CTNND2: variants seen among roughly 807,000 people sequenced by gnomAD.
CTNND2 encodes catenin delta 2.
In CTNND2, 22 loss-of-function variants were observed where a neutral mutation model predicts 144.4. The ratio of observed to expected loss-of-function variants is 0.15; its 90% CI spans 0.11 to 0.22. The LOEUF (loss-of-function observed/expected upper bound fraction) is 0.22. Ranked by LOEUF, CTNND2 falls within the 10% of genes least tolerant of loss-of-function variation. The pLI is 1.00. For synonymous variants in CTNND2, 751 were observed against 695.6 expected, an observed-to-expected ratio of 1.08 and a Z score of -1.25; for missense variants, 1,353 against 1,618.8, an observed-to-expected ratio of 0.84 and a Z score of 2.82.
Position 11,384,873 on chromosome 5 carries a change from C to G in CTNND2, c.969G>C (p.Ser323=), listed in dbSNP as rs530182599. 1.2e-5 allele frequency: 20 copies of G among 1,611,822 alleles called. No individual in the cohort carries two copies. ...TCACGCGGATCGGGGACAGGCCGGC[C>G]GAGGACACGACGATGTTGATGGGCG... ...TSSPINIVVS[S]AGLSPIRVTS... is the part of the protein sequence containing the mutation. Residue 323 remains serine (S), a synonymous_variant, in exon 7 of 22, where the codon TCG becomes TCC. Transcript: ENST00000304623. The surrounding 1 kb of genome is among the most constrained non-coding windows in gnomAD (Gnocchi z 5.2).
chr5:11,059,442 T>C (rs911107775), intron 16 of CTNND2, among the ~76,000 whole-genome samples: 2 of 152,242 alleles, frequency 1.3e-5, no homozygotes, highest in African/African-American at 4.8e-5. Flanking sequence ...CCTCCTTGCC[T>C]TCCACCATGA....
chr5:11,893,248 G>C (rs997051383), intron 1 of CTNND2, among the ~76,000 whole-genome samples: 1 of 152,198 alleles, frequency 6.6e-6, no homozygotes, highest in Non-Finnish European at 1.5e-5. Context: ...TTTCAGAGAT[G>C]TGATGGAATT....
At chr5:11,445,832 T>G (rs1389503641) in intron 3 of CTNND2, among the ~76,000 whole-genome samples, 1 of 152,224 alleles carries the variant, frequency 6.6e-6, no homozygotes, top group Non-Finnish European at 1.5e-5. Context: ...AAACCAATTT[T>G]CTAAAGTAAA....
intron 3 of CTNND2, among the ~76,000 whole-genome samples, chr5:11,540,162 G>A (rs918457950): frequency 6.6e-6 from 1 of 152,124 alleles, no homozygotes; most frequent in African/African-American, 2.4e-5. Context: ...ACAAATGGAC[G>A]CCCTATACAA....
chr5:11,057,712 T>A (rs1031005410), intron 16 of CTNND2, among the ~76,000 whole-genome samples: 6 of 152,008 alleles, frequency 3.9e-5, no homozygotes, highest in African/African-American at 1.4e-4. Context: ...CAAGTAGAGG[T>A]TGGAACAATT....
chr5:11,496,072 C>T (rs1349217145), intron 3 of CTNND2, among the ~76,000 whole-genome samples: 1 of 152,200 alleles, frequency 6.6e-6, no homozygotes, highest in Non-Finnish European at 1.5e-5. Flanking sequence ...TATTCTGAAT[C>T]GGGCTACACT....
At chr5:11,797,799 G>C (rs910095678) in intron 1 of CTNND2, among the ~76,000 whole-genome samples, 4 of 152,128 alleles carry the variant, frequency 2.6e-5, no homozygotes, top group Non-Finnish European at 5.9e-5. Flanking sequence ...TAAATTTGTA[G>C]TATAGTTGCT....
intron 2 of CTNND2, among the ~76,000 whole-genome samples, chr5:11,672,023 C>T (rs751930344): frequency 1.2e-4 from 19 of 152,176 alleles, no homozygotes; most frequent in Admixed American, 3.3e-4. Flanking sequence ...AGTTTTCCTT[C>T]TAACAGTGAA....
chr5:11,702,399 T>C (rs562133974), intron 2 of CTNND2, among the ~76,000 whole-genome samples: 60 of 152,324 alleles, frequency 3.9e-4, no homozygotes, highest in African/African-American at 1.4e-3. Context: ...TATTGCCCTA[T>C]AGTTACATGG....
chr5:11,151,912 T>A (rs1461829456), intron 12 of CTNND2, among the ~76,000 whole-genome samples: 1 of 152,174 alleles, frequency 6.6e-6, no homozygotes, highest in Non-Finnish European at 1.5e-5. Context: ...ACAATGATAC[T>A]CCTTTTGGGG....
At chr5:11,774,729 T>C (rs988135027) in intron 1 of CTNND2, among the ~76,000 whole-genome samples, 1 of 152,124 alleles carries the variant, frequency 6.6e-6, no homozygotes, top group East Asian at 1.9e-4. Flanking sequence ...AATTTTGTGT[T>C]ACCCCATGAT....
At chr5:11,316,504 ATTATACTT>A (rs1469098787) in intron 9 of CTNND2, among the ~76,000 whole-genome samples, 1 of 140,746 alleles carries the variant, frequency 7.1e-6, no homozygotes, top group African/African-American at 2.8e-5. Context: ...TATTATTATT[ATTATACTT>A]TAAGTTTTAG....
intron 2 of CTNND2, among the ~76,000 whole-genome samples, chr5:11,572,097 T>C (rs1013123747): frequency 2.6e-5 from 4 of 152,262 alleles, no homozygotes; most frequent in South Asian, 2.1e-4. Flanking sequence ...GGCAGTCAGA[T>C]CATCTTTTAA....
chr5:11,537,612 G>GTT (rs894170196), intron 3 of CTNND2, among the ~76,000 whole-genome samples: 57 of 152,066 alleles, frequency 3.7e-4, no homozygotes, highest in Admixed American at 3.5e-3. Context: ...CTTTTACATG[G>GTT]AAAAGGAATT....
At chr5:11,292,437 T>C (rs747205958) in intron 9 of CTNND2, among the ~76,000 whole-genome samples, 10 of 150,850 alleles carry the variant, frequency 6.6e-5, no homozygotes, top group Non-Finnish European at 1.0e-4. Context: ...TTGTCTCAAA[T>C]TGTAATCCCC....
chr5:11,539,781 C>T (rs1774561096), intron 3 of CTNND2, among the ~76,000 whole-genome samples: 1 of 152,166 alleles, frequency 6.6e-6, no homozygotes, highest in African/African-American at 2.4e-5. Flanking sequence ...TGCCTGTAAT[C>T]CCAGCACTTT....
At chr5:11,747,087 G>A (rs933624764) in intron 1 of CTNND2, among the ~76,000 whole-genome samples, 1 of 152,072 alleles carries the variant, frequency 6.6e-6, no homozygotes, top group Non-Finnish European at 1.5e-5. Flanking sequence ...ATCATAATAA[G>A]TTCTAGGGTT....
At chr5:11,624,865 T>C (rs879431728) in intron 2 of CTNND2, among the ~76,000 whole-genome samples, 2 of 152,018 alleles carry the variant, frequency 1.3e-5, no homozygotes, top group Non-Finnish European at 2.9e-5. Flanking sequence ...ATTCCATATA[T>C]ATTTATTTAG....
intron 12 of CTNND2, among the ~76,000 whole-genome samples, chr5:11,125,716 C>G (rs1190483954): frequency 6.6e-6 from 1 of 152,186 alleles, no homozygotes; most frequent in Non-Finnish European, 1.5e-5. Flanking sequence ...CAATTTTAGT[C>G]ATTTATTTTT....
Sources: gnomAD v4.1 joint callset for allele counts (sites outside exome capture counted in the v4.1 genomes callset) on GRCh38, gnomAD v4.1.1 for gene constraint, Gnocchi (gnomAD v3.1) non-coding constraint, MANE v1.5 for transcripts, NCBI Gene and HGNC (gene_info 2026-07-23, HGNC 2026-07-21) for gene names.